The following MAP2K1 variants were observed in gnomAD, a reference collection of about 807,000 sequenced individuals.
The protein encoded by MAP2K1 is mitogen-activated protein kinase kinase 1.
MAP2K1 carries 16 observed loss-of-function variants against 46.3 expected under a neutral mutation model. The observed-to-expected ratio is 0.35, with a 90% CI of 0.23 to 0.52. The LOEUF (loss-of-function observed/expected upper bound fraction) is 0.52. Ranked by LOEUF, MAP2K1 falls within the 20% of genes least tolerant of loss-of-function variation. MAP2K1 has a pLI of 0.94. For missense variants in MAP2K1, 263 were observed against 497.1 expected (o/e 0.53, Z 4.48); for synonymous variants, 183 against 185.6 (o/e 0.99, Z 0.11).
chr15:66,436,051 G>A (rs2093487260), intron 2 of MAP2K1, among the ~76,000 whole-genome samples: 1 of 152,070 alleles, frequency 6.6e-6, no homozygotes, highest in African/African-American at 2.4e-5. Flanking sequence ...TGCACATGGT[G>A]TTCACTCCTG....
chr15:66,426,375 C>A (rs200644681), intron 1 of MAP2K1, among the ~76,000 whole-genome samples: 1,852 of 125,738 alleles, frequency 0.015, 32 homozygotes, highest in South Asian at 0.05. Flanking sequence ...AAAAAAAAAA[C>A]CTTTATAATT....
At chr15:66,465,982 T>C (rs1165024692) in intron 5 of MAP2K1, among the ~76,000 whole-genome samples, 1 of 152,224 alleles carries the variant, frequency 6.6e-6, no homozygotes, top group Non-Finnish European at 1.5e-5. Flanking sequence ...ATCAAATACA[T>C]ACAAGTTGGG....
intron 5 of MAP2K1, among the ~76,000 whole-genome samples, chr15:66,469,654 CAG>C (rs1228492907): frequency 8.5e-6 from 1 of 117,924 alleles, no homozygotes; most frequent in Admixed American, 9.2e-5. Context: ...GGGTCCTAGA[CAG>C]AGAAAAAACA....
chr15:66,401,964 T>C (rs1230341447), intron 1 of MAP2K1: 1 of 1,345,524 alleles, frequency 7.4e-7, no homozygotes, highest in Non-Finnish European at 9.8e-7. Flanking sequence ...TGAGGTGGTT[T>C]TGTGGTTCCA....
intron 5 of MAP2K1, among the ~76,000 whole-genome samples, chr15:66,458,389 A>G (rs1892226512): frequency 6.6e-6 from 1 of 152,224 alleles, no homozygotes; most frequent in South Asian, 2.1e-4. Flanking sequence ...GCTGATAAAG[A>G]TCAATAAATG....
intron 1 of MAP2K1, among the ~76,000 whole-genome samples, chr15:66,433,410 G>A (rs1460745485): frequency 6.6e-6 from 1 of 152,188 alleles, no homozygotes; most frequent in African/African-American, 2.4e-5. Flanking sequence ...TTTGGCAAGA[G>A]CCCTCTTCCT....
At position 66,445,758 on chromosome 15, in the gene MAP2K1, G is replaced by C. The variant is rs1234920791; in HGVS notation, c.568+1051G>C. 2.0e-5 allele frequency among the ~76,000 whole-genome samples: 3 copies of C among 152,164 alleles called. No homozygotes were observed. The South Asian group carries it at 6.2e-4, about 31-fold the overall frequency. On this transcript the variant is annotated intron_variant, in intron 5 of 10. Coordinates refer to ENST00000307102, the MANE Select transcript of MAP2K1 (RefSeq NM_002755.4). ...CTGTTTCCATTTATGTGAAATTAGAGAATAACAACAAATCCATAGTGGCAG... is the reference window on the plus strand; with the variant it reads ...CTGTTTCCATTTATGTGAAATTAGACAATAACAACAAATCCATAGTGGCAG...
intron 4 of MAP2K1, 128 bp from the exon 5 acceptor site, chr15:66,444,528 C>T (rs907103552): frequency 8.3e-6 from 6 of 727,044 alleles, no homozygotes; most frequent in Non-Finnish European, 1.3e-5. Context: ...AGTGAAACTG[C>T]GTCTCAAAGG....
chr15:66,387,699 A>G (rs530546772), intron 1 of MAP2K1, among the ~76,000 whole-genome samples: 1 of 152,312 alleles, frequency 6.6e-6, no homozygotes, highest in Non-Finnish European at 1.5e-5. Flanking sequence ...TCTTCTCCCA[A>G]GAAAATAAAA....
At chr15:66,446,750 C>T in intron 5 of MAP2K1, 1 of 337,664 alleles carries the variant, frequency 3.0e-6, no homozygotes, top group South Asian at 2.6e-5. Flanking sequence ...TTATAGCCGG[C>T]AAAAATGGCC....
intron 1 of MAP2K1, among the ~76,000 whole-genome samples, chr15:66,389,103 T>TCC (rs781524906): frequency 1.3e-4 from 19 of 151,756 alleles, no homozygotes; most frequent in Non-Finnish European, 2.6e-4. Context: ...ATGGGGTTTC[T>TCC]CCAAGTTGTT....
At chr15:66,472,542 C>G (rs1288831340) in intron 5 of MAP2K1, among the ~76,000 whole-genome samples, 1 of 152,112 alleles carries the variant, frequency 6.6e-6, no homozygotes, top group African/African-American at 2.4e-5. Flanking sequence ...TGACAGGGAG[C>G]TGTAAGTGGC....
intron 5 of MAP2K1, among the ~76,000 whole-genome samples, chr15:66,466,671 C>T (rs1372045273): frequency 6.6e-6 from 1 of 152,096 alleles, no homozygotes; most frequent in Non-Finnish European, 1.5e-5. Context: ...CAGAGCGAGA[C>T]TGCATCTCAA....
chr15:66,390,379 AG>A lies in MAP2K1; in HGVS notation c.80+2955del, dbSNP rs1276724980. Among the ~76,000 whole-genome samples, 4 of 152,252 alleles carry A rather than the reference AG, an allele frequency of 2.6e-5. No individual in the cohort carries two copies. In the East Asian group the frequency reaches 7.7e-4, roughly 29 times the overall value. On this transcript the variant is annotated intron_variant, in intron 1 of 10. Transcript: ENST00000307102. ...CTTTCATGATTTCTGTGATTAGACCAGGGCACAATTTTGAACGTTATCAGAC... is the reference window on the plus strand; with the variant it reads ...CTTTCATGATTTCTGTGATTAGACCAGGCACAATTTTGAACGTTATCAGAC...
intron 5 of MAP2K1, among the ~76,000 whole-genome samples, chr15:66,467,133 C>G (rs1051204920): frequency 1.4e-4 from 21 of 152,052 alleles, no homozygotes; most frequent in African/African-American, 4.6e-4. Flanking sequence ...ACTCGAGAGG[C>G]TGAGGTAGGA....
chr15:66,435,359 T>TTTG, intron 2 of MAP2K1, 122 bp downstream of exon 2: 1 of 838,320 alleles, frequency 1.2e-6, no homozygotes, highest in Non-Finnish European at 1.9e-6. Context: ...GAATTTTTTT[T>TTTG]TTTTTTTAAG....
At position 66,488,778 on chromosome 15, in the gene MAP2K1, T is replaced by C. The variant is rs1893139389; in HGVS notation, c.961-437T>C. 5 of 214,534 alleles carry C rather than the reference T, an allele frequency of 2.3e-5. 1 individual carries two copies. In the South Asian group the frequency reaches 3.9e-4, roughly 17 times the overall value. The allele number at this position is 214,534 out of a possible 1,614,324, so 13.3% of individuals were successfully genotyped here. On this transcript the variant is annotated intron_variant, in intron 8 of 10. Transcript: ENST00000307102. ...TGGGCTATGCCTGGTGGTTTGCACGTGCCCCTAGCTGTTGCTGCCAGTAAA... is the reference window on the plus strand; with the variant it reads ...TGGGCTATGCCTGGTGGTTTGCACGCGCCCCTAGCTGTTGCTGCCAGTAAA...
chr15:66,460,307 G>GTC lies in MAP2K1; in HGVS notation c.568+15604_568+15605dup, dbSNP rs375014653. ...GATGATTATAGCTCCAGGTGAGTTT[G>GTC]TCTCTTAGCTCCTTAAGAGAGGCTT... On this transcript the variant is annotated intron_variant, in intron 5 of 10. Transcript: ENST00000307102. Among the ~76,000 whole-genome samples, 94 of 152,322 alleles carry GTC rather than the reference G, an allele frequency of 6.2e-4. 1 individual carries two copies. Among genetic ancestry groups the GTC allele is most frequent in the African/African-American group, 2.1e-3 (89 of 41,584 alleles).
At chr15:66,472,583 C>T (rs1332293923) in intron 5 of MAP2K1, among the ~76,000 whole-genome samples, 1 of 152,154 alleles carries the variant, frequency 6.6e-6, no homozygotes, top group African/African-American at 2.4e-5. Context: ...GCCCTGTAGC[C>T]AGGGACAAGG....
Sources: allele counts gnomAD v4.1 joint callset (sites outside exome capture counted in the v4.1 genomes callset), GRCh38; gene constraint gnomAD v4.1.1; transcripts MANE v1.5; gene names NCBI Gene and HGNC (gene_info 2026-07-23, HGNC 2026-07-21).